Variants in HACD3 observed in about 807,000 individuals in gnomAD.
The protein encoded by HACD3 is 3-hydroxyacyl-CoA dehydratase 3, also known as very-long-chain (3R)-3-hydroxyacyl-CoA dehydratase 3.
Under a neutral mutation model 55.2 loss-of-function variants are expected in HACD3, and 30 were observed. The observed-to-expected ratio is 0.54, with a 90% CI of 0.41 to 0.74. HACD3 has a LOEUF of 0.74. HACD3 is among the 30% of genes least tolerant of loss of function. HACD3 has a pLI of 0.00. For synonymous variants in HACD3, 141 were observed against 151.7 expected, an observed-to-expected ratio of 0.93 and a Z score of 0.52; for missense variants, 363 against 440.1, an observed-to-expected ratio of 0.82 and a Z score of 1.57.
At chr15:65,573,853 T>A (rs984379745) in intron 10 of HACD3, among the ~76,000 whole-genome samples, 5 of 152,190 alleles carry the variant, frequency 3.3e-5, no homozygotes, top group Non-Finnish European at 2.9e-5. Flanking sequence ...TGTCATTAAA[T>A]ATATTTGAGA....
intron 3 of HACD3, among the ~76,000 whole-genome samples, chr15:65,555,943 T>C (rs1352731580): frequency 6.6e-6 from 1 of 152,170 alleles, no homozygotes; most frequent in Non-Finnish European, 1.5e-5. Flanking sequence ...GGCAGGAGGT[T>C]CATGCTAGTT....
intron 5 of HACD3, among the ~76,000 whole-genome samples, chr15:65,562,224 G>C (rs2072250531): frequency 6.6e-6 from 1 of 152,224 alleles, no homozygotes; most frequent in Admixed American, 6.5e-5. Context: ...ATTCTTCTCA[G>C]CCTCTCTGTG....
intron 4 of HACD3, among the ~76,000 whole-genome samples, chr15:65,557,210 T>G (rs1346796217): frequency 6.6e-6 from 1 of 152,208 alleles, no homozygotes; most frequent in Non-Finnish European, 1.5e-5. Flanking sequence ...GCACGGTGGC[T>G]CACGCCTGTA....
intron 3 of HACD3, among the ~76,000 whole-genome samples, chr15:65,556,422 A>T (rs2072190104): frequency 6.6e-6 from 1 of 152,156 alleles, no homozygotes; most frequent in African/African-American, 2.4e-5. Flanking sequence ...GCCAATGCTG[A>T]TCTGACAGGA....
intron 7 of HACD3, chr15:65,566,118 G>T (rs1014129784): frequency 6.6e-5 from 10 of 152,184 alleles, no homozygotes; most frequent in African/African-American, 1.9e-4. Flanking sequence ...GACTACCTCA[G>T]CCTGGACTTT....
intron 1 of HACD3, among the ~76,000 whole-genome samples, chr15:65,537,815 A>G (rs1047907770): frequency 2.6e-4 from 37 of 144,706 alleles, no homozygotes; most frequent in South Asian, 6.6e-4. Context: ...AAAAAGAATT[A>G]TGCTAAATCT....
chr15:65,570,317 C>A, intron 8 of HACD3, 114 bp downstream of exon 8: 1 of 756,034 alleles, frequency 1.3e-6, no homozygotes, highest in Non-Finnish European at 2.1e-6. Context: ...ACTAAGATTA[C>A]ATATGTGGAG....
chr15:65,550,082 A>G (rs2072117524), intron 1 of HACD3, among the ~76,000 whole-genome samples: 1 of 152,214 alleles, frequency 6.6e-6, no homozygotes. Context: ...GGAAGATACA[A>G]CAATATTAAG....
Position 65,576,307 on chromosome 15 carries a change from A to G in HACD3, c.1017A>G (p.Leu339=). The change falls in exon 11 of 11, where the codon TTA becomes TTG. Residue 339 remains leucine, a synonymous_variant. Coordinates refer to ENST00000261875, the MANE Select transcript of HACD3 (RefSeq NM_016395.4). ...QIYLIMIFLG[L]YINFRHLYKQ... ...TTGACCTCTTTTCTTTTTCAGGTTT[A>G]TACATAAATTTTCGTCACCTTTATA... is the stretch of plus-strand genomic sequence containing the variant. 2 of 1,593,322 alleles carry G rather than the reference A, an allele frequency of 1.3e-6. No homozygotes were observed. The highest frequency in any genetic ancestry group is 8.5e-7 in the Non-Finnish European group (1 of 1,170,238).
At chr15:65,557,089 ATCTG>A (rs2072199496) in intron 4 of HACD3, among the ~76,000 whole-genome samples, 186 bp downstream of exon 4, 1 of 152,216 alleles carries the variant, frequency 6.6e-6, no homozygotes, top group Non-Finnish European at 1.5e-5. Context: ...TTCGGTTGAA[ATCTG>A]TCTGATGTTT....
At chr15:65,530,883 C>A in intron 1 of HACD3, 165 bp downstream of exon 1, 1 of 656,160 alleles carries the variant, frequency 1.5e-6, no homozygotes, top group Non-Finnish European at 2.5e-6. Context: ...CGAGGCTCAT[C>A]TGCAGATCTC....
At chr15:65,556,617 T>TG (rs2072192890) in intron 3 of HACD3, 122 bp from the exon 4 acceptor site, 1 of 1,073,206 alleles carries the variant, frequency 9.3e-7, no homozygotes, top group African/African-American at 1.6e-5. Flanking sequence ...CATCAGGACT[T>TG]GCAGGACCAG....
intron 5 of HACD3, among the ~76,000 whole-genome samples, chr15:65,562,486 C>T (rs888127263): frequency 4.6e-5 from 7 of 152,198 alleles, no homozygotes; most frequent in Non-Finnish European, 1.0e-4. Flanking sequence ...CATAATATCA[C>T]ACCAGGGGTA....
chr15:65,535,809 G>A (rs761077250), intron 1 of HACD3: 4 of 641,602 alleles, frequency 6.2e-6, no homozygotes, highest in South Asian at 3.4e-5. Context: ...AGTCCTCCTG[G>A]CTCAGCCTAC....
intron 1 of HACD3, among the ~76,000 whole-genome samples, chr15:65,542,980 A>G (rs1255345352): frequency 1.3e-5 from 2 of 151,650 alleles, no homozygotes; most frequent in Admixed American, 1.3e-4. Flanking sequence ...AGGCTGAGGC[A>G]GGAGAATCGC....
rs1281486021 is a variant in HACD3, at chr15:65,556,757, C to G, written c.223C>G (p.Gln75Glu). 1 of 1,609,756 alleles carries G rather than the reference C, an allele frequency of 6.2e-7. No individual in the cohort carries two copies. The highest frequency in any genetic ancestry group is 1.1e-5 in the South Asian group (1 of 90,282). Residue 75 changes from glutamine to glutamate, a missense_variant, in exon 4 of 11, where the codon CAG becomes GAG. Coordinates refer to ENST00000261875, the MANE Select transcript of HACD3 (RefSeq NM_016395.4). ...VKPEPVYKLT[Q>E]RQVNITVQKK... The stretch of plus-strand genomic sequence containing the variant: ...CTCCTAGCCTGTTTACAAACTGACC[C>G]AGAGGCAGGTAAACATTACAGTACA...
At chr15:65,573,222 G>A (rs2033710525) in intron 10 of HACD3, among the ~76,000 whole-genome samples, 1 of 151,848 alleles carries the variant, frequency 6.6e-6, no homozygotes, top group Admixed American at 6.6e-5. Flanking sequence ...CTAACAGAAG[G>A]GAAAAAGAAA....
chr15:65,544,736 A>T (rs1020285387), intron 1 of HACD3, among the ~76,000 whole-genome samples: 1 of 152,110 alleles, frequency 6.6e-6, no homozygotes, highest in African/African-American at 2.4e-5. Context: ...GAAAATTATA[A>T]TGTTGCCGGG....
intron 2 of HACD3, among the ~76,000 whole-genome samples, chr15:65,552,344 T>C (rs1393601209): frequency 6.6e-6 from 1 of 152,162 alleles, no homozygotes; most frequent in African/African-American, 2.4e-5. Context: ...TTTATTTATT[T>C]ATTTATTTTG....
Sources: allele counts gnomAD v4.1 joint callset (sites outside exome capture counted in the v4.1 genomes callset), GRCh38; gene constraint gnomAD v4.1.1; transcripts MANE v1.5; gene names NCBI Gene and HGNC (gene_info 2026-07-23, HGNC 2026-07-21).